FRYL: variants seen among roughly 807,000 people sequenced by gnomAD.
FRYL encodes protein furry homolog-like.
In FRYL, 150 loss-of-function variants were observed where a neutral mutation model predicts 351.2. The ratio of observed to expected loss-of-function variants is 0.43; its 90% CI spans 0.37 to 0.49. The LOEUF (loss-of-function observed/expected upper bound fraction) is 0.49. FRYL is among the 20% of genes least tolerant of loss of function. The probability of loss-of-function intolerance (pLI) is 0.00; values close to 1 mark genes in which losing one functional copy is unlikely to be tolerated. For missense variants in FRYL, 3,036 were observed against 3,619.3 expected (o/e 0.84, Z 4.13); for synonymous variants, 1,153 against 1,257.1 (o/e 0.92, Z 1.75).
chr4:48,763,804 T>C (rs1774658920), intron 1 of FRYL, among the ~76,000 whole-genome samples: 1 of 152,176 alleles, frequency 6.6e-6, no homozygotes, highest in Admixed American at 6.5e-5. Context: ...GAAGTAAAAC[T>C]GTATGTTTTT....
chr4:48,700,170 A>C (rs1766584536), intron 2 of FRYL, among the ~76,000 whole-genome samples: 1 of 152,208 alleles, frequency 6.6e-6, no homozygotes, highest in Non-Finnish European at 1.5e-5. Flanking sequence ...TGTGGTAGAA[A>C]GTTCTAATAC....
At chr4:48,716,129 A>G (rs1328548815) in intron 1 of FRYL, among the ~76,000 whole-genome samples, 1 of 152,154 alleles carries the variant, frequency 6.6e-6, no homozygotes, top group African/African-American at 2.4e-5. Context: ...TCAATTCAAG[A>G]TGGATTAAAG....
chr4:48,716,674 G>C (rs1370431399), intron 1 of FRYL, among the ~76,000 whole-genome samples: 2 of 151,478 alleles, frequency 1.3e-5, no homozygotes, highest in African/African-American at 2.4e-5. Flanking sequence ...ACTGTTGGTG[G>C]GTCTGTAAAC....
intron 2 of FRYL, among the ~76,000 whole-genome samples, chr4:48,694,915 TAAAAG>T (rs1442156128): frequency 2.6e-5 from 4 of 151,948 alleles, no homozygotes; most frequent in Non-Finnish European, 4.4e-5. Flanking sequence ...CTAGTAAAAG[TAAAAG>T]AAGTCAGCTG....
At chr4:48,707,397 C>T (rs1175924778) in intron 2 of FRYL, among the ~76,000 whole-genome samples, 1 of 152,028 alleles carries the variant, frequency 6.6e-6, no homozygotes. Flanking sequence ...TACATGATGT[C>T]TAGAATTTGC....
intron 59 of FRYL, chr4:48,506,614 TAATATATATATATATATATATATATA>T (rs1721016142): frequency 1.3e-5 from 1 of 78,008 alleles, no homozygotes; most frequent in South Asian, 5.1e-4. Context: ...ACAATACAAC[TAATATATATATATATATATATATATA>T]TATATATATA....
At chr4:48,760,814 C>T (rs1283602518) in intron 1 of FRYL, among the ~76,000 whole-genome samples, 2 of 152,080 alleles carry the variant, frequency 1.3e-5, no homozygotes, top group Non-Finnish European at 2.9e-5. Flanking sequence ...GTAGCTGGGA[C>T]TACAGTCGTG....
At chr4:48,767,688 A>G (rs1775109060) in intron 1 of FRYL, among the ~76,000 whole-genome samples, 1 of 152,238 alleles carries the variant, frequency 6.6e-6, no homozygotes, top group South Asian at 2.1e-4. Context: ...AATATTGGTG[A>G]AACGGTACAA....
chr4:48,608,758 G>A (rs1481549960), intron 9 of FRYL, among the ~76,000 whole-genome samples: 1 of 152,118 alleles, frequency 6.6e-6, no homozygotes, highest in African/African-American at 2.4e-5. Context: ...TGATTTGTTC[G>A]ATTCAGACAT....
chr4:48,763,078 A>G (rs995025210), intron 1 of FRYL, among the ~76,000 whole-genome samples: 3 of 148,908 alleles, frequency 2.0e-5, no homozygotes, highest in Admixed American at 6.8e-5. Flanking sequence ...TTCCCCAAAC[A>G]ACAATATTTT....
At chr4:48,746,481 C>T (rs1262347316) in intron 1 of FRYL, among the ~76,000 whole-genome samples, 12 of 150,000 alleles carry the variant, frequency 8.0e-5, no homozygotes, top group Non-Finnish European at 7.4e-5. Flanking sequence ...GGAGGCGGAG[C>T]TTGCAGTGAG....
At chr4:48,713,008 A>C (rs1204034501) in intron 1 of FRYL, among the ~76,000 whole-genome samples, 1 of 152,120 alleles carries the variant, frequency 6.6e-6, no homozygotes, top group Non-Finnish European at 1.5e-5. Flanking sequence ...GAAATAAAAT[A>C]CTTTACAGAC....
chr4:48,526,187 G>C (rs912830683), intron 53 of FRYL, among the ~76,000 whole-genome samples: 3 of 152,162 alleles, frequency 2.0e-5, no homozygotes, highest in Non-Finnish European at 4.4e-5. Flanking sequence ...TGAGCTATGA[G>C]TTTTGATTCT....
chr4:48,709,066 G>A lies in FRYL; in HGVS notation c.-204+1453C>T, dbSNP rs552922278. 1.3e-4 allele frequency among the ~76,000 whole-genome samples: 19 copies of A among 151,864 alleles called. No homozygotes were observed. The East Asian group carries it at 2.3e-3, about 19-fold the overall frequency. The stretch of plus-strand genomic sequence containing the variant: ...CCTCCCGAGTAGCTGGAACTACAGC[G>A]CCCGCCACCACGCCTGGCTAATTTT... On this transcript the variant is annotated intron_variant, in intron 2 of 63. Coordinates refer to ENST00000358350, the MANE Select transcript of FRYL (RefSeq NM_015030.2).
At position 48,710,785 on chromosome 4, in the gene FRYL, TA is replaced by T. The variant is rs1767908761; in HGVS notation, c.-383-88del. ...CATTTTAGCAGCTTCCGTATATCACTAATCAAAAGTCTGCAAGTTCCTCAAA... is the reference window on the plus strand; with the variant it reads ...CATTTTAGCAGCTTCCGTATATCACTATCAAAAGTCTGCAAGTTCCTCAAA... On this transcript the variant is annotated intron_variant, in intron 1 of 63. Coordinates refer to ENST00000358350, the MANE Select transcript of FRYL (RefSeq NM_015030.2). 3.8e-5 allele frequency: 15 copies of T among 391,094 alleles called. No homozygotes were observed. In the Admixed American group the frequency reaches 4.9e-4, roughly 13 times the overall value. The allele number at this position is 391,094 out of a possible 1,614,324, so 24.2% of individuals were successfully genotyped here.
intron 3 of FRYL, among the ~76,000 whole-genome samples, chr4:48,673,215 G>A (rs1211420801): frequency 6.6e-6 from 1 of 152,152 alleles, no homozygotes; most frequent in Non-Finnish European, 1.5e-5. Context: ...TCACCAGAGT[G>A]TTACAAAAAC....
chr4:48,546,363 G>T, intron 41 of FRYL, 92 bp from the exon 42 acceptor site: 1 of 944,226 alleles, frequency 1.1e-6, no homozygotes, highest in Non-Finnish European at 1.6e-6. Flanking sequence ...AGACTCTATG[G>T]GACACATGAG....
intron 1 of FRYL, among the ~76,000 whole-genome samples, chr4:48,723,744 C>T (rs1769751414): frequency 6.6e-6 from 1 of 151,894 alleles, no homozygotes. Flanking sequence ...TGATGATACT[C>T]CTGCATCTCC....
intron 4 of FRYL, among the ~76,000 whole-genome samples, chr4:48,625,362 T>C (rs1751574240): frequency 6.6e-6 from 1 of 152,202 alleles, no homozygotes; most frequent in Non-Finnish European, 1.5e-5. Flanking sequence ...AACGTCAATG[T>C]ACAACAATAA....
Sources: allele counts gnomAD v4.1 joint callset (sites outside exome capture counted in the v4.1 genomes callset), GRCh38; gene constraint gnomAD v4.1.1; transcripts MANE v1.5; gene names NCBI Gene and HGNC (gene_info 2026-07-23, HGNC 2026-07-21).